Variants in ATRNL1 observed in about 807,000 individuals in gnomAD.
ATRNL1 encodes attractin-like protein 1.
Under a neutral mutation model 182.7 loss-of-function variants are expected in ATRNL1, and 95 were observed. The observed-to-expected ratio is 0.52, with a 90% CI of 0.44 to 0.62. The LOEUF is 0.62. Ranked by LOEUF, ATRNL1 falls within the 20% of genes least tolerant of loss-of-function variation. ATRNL1 has a pLI of 0.00. For synonymous variants in ATRNL1, 576 were observed against 568.3 expected, an observed-to-expected ratio of 1.01 and a Z score of -0.19; for missense variants, 1,471 against 1,679.5, an observed-to-expected ratio of 0.88 and a Z score of 2.17.
At chr10:115,667,424 G>A (rs553187386) in intron 26 of ATRNL1, among the ~76,000 whole-genome samples, 2 of 152,198 alleles carry the variant, frequency 1.3e-5, no homozygotes, top group South Asian at 2.1e-4. Flanking sequence ...TGGCTTATGC[G>A]ATTACATTGA....
chr10:115,504,406 C>T (rs1443155801), intron 24 of ATRNL1, among the ~76,000 whole-genome samples: 1 of 152,048 alleles, frequency 6.6e-6, no homozygotes, highest in Non-Finnish European at 1.5e-5. Flanking sequence ...ACCGTATTGC[C>T]TGTGGACTAG....
At chr10:115,594,713 C>A (rs1555013412) in intron 26 of ATRNL1, among the ~76,000 whole-genome samples, 1 of 152,128 alleles carries the variant, frequency 6.6e-6, no homozygotes, top group African/African-American at 2.4e-5. Context: ...TCATGTTGGC[C>A]AGGCTGGTCT....
In ATRNL1 at chr10:115,160,171, G is replaced by T; in HGVS notation, c.961G>T (p.Gly321Cys). The T allele has an allele frequency of 6.2e-7, 1 of 1,612,148 alleles. No individual in the cohort carries two copies. Among genetic ancestry groups the T allele is most frequent in the Non-Finnish European group, 8.5e-7 (1 of 1,178,908 alleles). Residue 321 changes from glycine to cysteine, a missense_variant, in exon 6 of 29, where the codon GGT becomes TGT. By Grantham distance (159) the Gly-to-Cys change is radical. Transcript: ENST00000355044. ...ACACGGGAAATTTATGTGGGTGATT[G>T]GTGGATATACTTTTAACTACAGTTC... is the stretch of plus-strand genomic sequence containing the variant. Reference protein sequence around the residue: ...VLHGKFMWVIGGYTFNYSSFQ... With the variant: ...VLHGKFMWVICGYTFNYSSFQ...
chr10:115,113,933 C>G (rs1329346415), intron 1 of ATRNL1, among the ~76,000 whole-genome samples: 1 of 151,992 alleles, frequency 6.6e-6, no homozygotes, highest in Admixed American at 6.6e-5. Context: ...AGCTTCTTGA[C>G]TTTGATGGAA....
chr10:115,782,945 G>A, intron 27 of ATRNL1, among the ~76,000 whole-genome samples: 1 of 152,092 alleles, frequency 6.6e-6, no homozygotes, highest in East Asian at 1.9e-4. Flanking sequence ...TATTTGTTAG[G>A]AGCATTTTTA....
Position 115,909,860 on chromosome 10 carries a change from A to C in ATRNL1, c.4019-34798A>C, listed in dbSNP as rs560993724. Reference sequence around the variant, plus strand: ...CTAGCCAGAAGGCTAGGAATTTGGCATTATTAAATCTTATCTTCCCTAAAT... The same window carrying C: ...CTAGCCAGAAGGCTAGGAATTTGGCCTTATTAAATCTTATCTTCCCTAAAT... On this transcript the variant is annotated intron_variant, in intron 28 of 28. Transcript: ENST00000355044. Among the ~76,000 whole-genome samples the C allele has an allele frequency of 2.2e-4, 34 of 152,286 alleles. No homozygotes were observed. In the East Asian group the frequency reaches 5.6e-3, roughly 25 times the overall value.
chr10:115,937,259 T>C (rs1027834279), intron 28 of ATRNL1, among the ~76,000 whole-genome samples: 1 of 152,206 alleles, frequency 6.6e-6, no homozygotes, highest in African/African-American at 2.4e-5. Context: ...TATTATGATA[T>C]GTTAAAGGCC....
At chr10:115,256,792 C>T (rs922995058) in intron 10 of ATRNL1, among the ~76,000 whole-genome samples, 1 of 152,194 alleles carries the variant, frequency 6.6e-6, no homozygotes, top group Non-Finnish European at 1.5e-5. Flanking sequence ...AAATTTCCCT[C>T]TACACACTGC....
At chr10:115,820,283 C>A (rs1212074693) in intron 27 of ATRNL1, 2 of 152,140 alleles carry the variant, frequency 1.3e-5, no homozygotes, top group Admixed American at 1.3e-4. Flanking sequence ...CAAGTTCCCT[C>A]TACTACTGAT....
At chr10:115,751,981 C>T (rs1368124218) in intron 27 of ATRNL1, among the ~76,000 whole-genome samples, 3 of 151,916 alleles carry the variant, frequency 2.0e-5, no homozygotes, top group Non-Finnish European at 2.9e-5. Context: ...TACTTTACTT[C>T]GTAGATCTGA....
At chr10:115,582,584 A>C (rs1317321444) in intron 26 of ATRNL1, among the ~76,000 whole-genome samples, 1 of 129,772 alleles carries the variant, frequency 7.7e-6, no homozygotes, top group Non-Finnish European at 1.7e-5. Context: ...CCACTTTTTG[A>C]TGGGTTTGTT....
intron 21 of ATRNL1, among the ~76,000 whole-genome samples, chr10:115,449,973 A>G (rs1239916659): frequency 1.3e-5 from 2 of 152,236 alleles, no homozygotes; most frequent in African/African-American, 4.8e-5. Context: ...AGTAGGCTTC[A>G]TCCCCAGGAT....
At chr10:115,253,423 T>G (rs1047267448) in intron 10 of ATRNL1, among the ~76,000 whole-genome samples, 4 of 152,248 alleles carry the variant, frequency 2.6e-5, no homozygotes, top group Middle Eastern at 3.4e-3. Context: ...AGCTTGCAAC[T>G]GACTCTTCAC....
chr10:115,328,330 G>T (rs571031756), intron 18 of ATRNL1, among the ~76,000 whole-genome samples: 1 of 151,964 alleles, frequency 6.6e-6, no homozygotes, highest in Non-Finnish European at 1.5e-5. Flanking sequence ...TGTTTCACAC[G>T]GTTCAATGCG....
intron 21 of ATRNL1, among the ~76,000 whole-genome samples, chr10:115,451,262 T>G (rs1483827651): frequency 6.6e-6 from 1 of 152,066 alleles, no homozygotes; most frequent in East Asian, 1.9e-4. Context: ...AAGCAAAAAT[T>G]GACAAGTTGG....
intron 3 of ATRNL1, among the ~76,000 whole-genome samples, chr10:115,125,626 A>G (rs1285002882): frequency 3.9e-5 from 6 of 152,162 alleles, no homozygotes; most frequent in African/African-American, 9.7e-5. Context: ...GACACTCGCA[A>G]TCCATATTCA....
intron 27 of ATRNL1, among the ~76,000 whole-genome samples, chr10:115,808,816 T>C (rs1949980615): frequency 1.3e-5 from 2 of 152,190 alleles, no homozygotes; most frequent in African/African-American, 4.8e-5. Context: ...GATATAACTT[T>C]GGCGATGTGT....
chr10:115,540,841 C>G (rs926727783), intron 25 of ATRNL1, among the ~76,000 whole-genome samples: 1 of 151,754 alleles, frequency 6.6e-6, no homozygotes, highest in Non-Finnish European at 1.5e-5. Flanking sequence ...AGGACTATCT[C>G]TCAATGTTTA....
chr10:115,246,206 G>A (rs1377027955), intron 10 of ATRNL1, among the ~76,000 whole-genome samples: 1 of 152,058 alleles, frequency 6.6e-6, no homozygotes, highest in Non-Finnish European at 1.5e-5. Flanking sequence ...AGAAGACACT[G>A]TGATTTACCA....
Sources: allele counts gnomAD v4.1 joint callset (sites outside exome capture counted in the v4.1 genomes callset), GRCh38; gene constraint gnomAD v4.1.1; transcripts MANE v1.5; gene names NCBI Gene and HGNC (gene_info 2026-07-23, HGNC 2026-07-21).